Variants in PCDHA8 observed in about 807,000 individuals in gnomAD.
The protein encoded by PCDHA8 is protocadherin alpha 8, also known as protocadherin alpha-8.
Under a neutral mutation model 61.8 loss-of-function variants are expected in PCDHA8, and 53 were observed. That is an observed-to-expected ratio of 0.86 (90% CI 0.69 to 1.08). The LOEUF is 1.08. PCDHA8 is among the 50% of genes least tolerant of loss of function. The pLI is 0.00. For missense variants in PCDHA8, 1,293 were observed against 1,245.0 expected (o/e 1.04, Z -0.58); for synonymous variants, 618 against 556.6 (o/e 1.11, Z -1.55).
chr5:140,862,824 G>A, intron 1 of PCDHA8: 1 of 571,890 alleles, frequency 1.7e-6, no homozygotes, highest in Non-Finnish European at 3.4e-6. Context: ...AGGTGAGAGC[G>A]CGCGACGCGG....
chr5:140,899,904 C>A (rs1554188779), intron 1 of PCDHA8, among the ~76,000 whole-genome samples: 1 of 151,986 alleles, frequency 6.6e-6, no homozygotes, highest in African/African-American at 2.4e-5. Flanking sequence ...ACATCCTGGG[C>A]TCAAGCAATC....
chr5:140,986,000 A>G (rs549071976), intron 3 of PCDHA8, among the ~76,000 whole-genome samples: 1 of 151,922 alleles, frequency 6.6e-6, no homozygotes, highest in Non-Finnish European at 1.5e-5. Flanking sequence ...CAGCCTCCCA[A>G]AGTGCTGGGA....
chr5:140,969,123 C>G, intron 1 of PCDHA8: 1 of 1,614,172 alleles, frequency 6.2e-7, no homozygotes, highest in Non-Finnish European at 8.5e-7. Flanking sequence ...GGGAATGGCT[C>G]CCTCACCAAG....
intron 1 of PCDHA8, chr5:140,870,855 G>A: frequency 6.2e-7 from 1 of 1,613,910 alleles, no homozygotes; most frequent in Non-Finnish European, 8.5e-7. Flanking sequence ...CGCGGTCGGT[G>A]GGTGCGGGCC....
At chr5:140,858,305 C>G (rs782690239) in intron 1 of PCDHA8, 1 of 1,597,172 alleles carries the variant, frequency 6.3e-7, no homozygotes, top group South Asian at 1.1e-5. Flanking sequence ...GCAGCAGAGG[C>G]GGCAGAGGGT....
At chr5:140,882,018 A>C in intron 1 of PCDHA8, 2 of 559,360 alleles carry the variant, frequency 3.6e-6, no homozygotes, top group East Asian at 3.1e-5. Context: ...AAAATACTAC[A>C]TCAATGGAAA....
At chr5:140,857,465 ATCT>A in intron 1 of PCDHA8, 1 of 1,598,478 alleles carries the variant, frequency 6.3e-7, no homozygotes, top group Non-Finnish European at 8.6e-7. Context: ...AGGCTGCCAC[ATCT>A]TCACGGTGTC....
At chr5:140,917,287 G>A (rs190210744) in intron 1 of PCDHA8, among the ~76,000 whole-genome samples, 51 of 147,686 alleles carry the variant, frequency 3.5e-4, no homozygotes, top group Admixed American at 7.7e-4. Flanking sequence ...ACGCTTTTCC[G>A]TGTGCAGATA....
intron 1 of PCDHA8, chr5:140,882,224 G>A (rs781909276): frequency 1.5e-5 from 24 of 1,558,680 alleles, no homozygotes; most frequent in Non-Finnish European, 1.9e-5. Flanking sequence ...TTGAGGTAAG[G>A]CGTTGTATAT....
chr5:140,959,842 C>G (rs1219308136), intron 1 of PCDHA8, among the ~76,000 whole-genome samples: 2 of 152,118 alleles, frequency 1.3e-5, no homozygotes, highest in African/African-American at 4.8e-5. Context: ...ATGCCTGTAA[C>G]TGCTAAAGGA....
chr5:140,954,615 C>A (rs782262504), intron 1 of PCDHA8, among the ~76,000 whole-genome samples: 16 of 151,806 alleles, frequency 1.1e-4, no homozygotes, highest in Non-Finnish European at 1.6e-4. Context: ...TTTTAATGGG[C>A]TTGTTTGGGT....
At chr5:140,893,880 G>T (rs1426434148) in intron 1 of PCDHA8, among the ~76,000 whole-genome samples, 1 of 152,090 alleles carries the variant, frequency 6.6e-6, no homozygotes, top group African/African-American at 2.4e-5. Flanking sequence ...ATCCAAAGTG[G>T]CCAGAAAGTT....
chr5:140,843,381 T>G lies in PCDHA8; in HGVS notation c.2060T>G (p.Leu687Trp), dbSNP rs2150358739. The G allele has an allele frequency of 6.3e-6, 10 of 1,595,976 alleles. 2 individuals carry two copies. The African/African-American group carries it at 1.2e-4, about 19-fold the overall frequency. Residue 687 changes from leucine (L) to tryptophan (W), a missense_variant, in exon 1 of 4, where the codon TTG becomes TGG. Physicochemically the swap from Leu to Trp is moderately conservative, Grantham distance 61 (BLOSUM62 -2). Coordinates refer to ENST00000531613, the MANE Select transcript of PCDHA8 (RefSeq NM_018911.3). ...KASSRQSAGVLGPEAALVDVN... is the reference protein window; with the variant it reads ...KASSRQSAGVWGPEAALVDVN... ...TCATCGAGGCAGTCGGCTGGCGTTT[T>G]GGGTCCGGAAGCGGCGCTGGTGGAT...
chr5:140,966,820 G>A, intron 1 of PCDHA8: 1 of 1,557,392 alleles, frequency 6.4e-7, no homozygotes, highest in Non-Finnish European at 8.7e-7. Context: ...GGCTCCGGCG[G>A]CCCATGCCCT....
In PCDHA8 at chr5:140,922,291, T is replaced by A. The variant is rs951080588; in HGVS notation, c.2395-56658T>A. ...AGATTGGACCAAGATATGAAAATGC[T>A]AGGAGAGGATACCTTTCACTGAAGA... On this transcript the variant is annotated intron_variant, in intron 1 of 3. Coordinates refer to ENST00000531613, the MANE Select transcript of PCDHA8 (RefSeq NM_018911.3). Among the ~76,000 whole-genome samples, 38 of 152,228 alleles carry A rather than the reference T, an allele frequency of 2.5e-4. 1 individual carries two copies. The highest frequency in any genetic ancestry group is 1.5e-5 in the Non-Finnish European group (1 of 68,048).
At chr5:140,870,425 C>A (rs531014522) in intron 1 of PCDHA8, 5 of 1,614,190 alleles carry the variant, frequency 3.1e-6, no homozygotes, top group Admixed American at 3.3e-5. Flanking sequence ...GCCAGGGTAT[C>A]CGTGGAGGTG....
intron 1 of PCDHA8, chr5:140,854,600 AT>A (rs2043170892): frequency 6.7e-6 from 1 of 150,110 alleles, no homozygotes; most frequent in African/African-American, 2.4e-5. Context: ...GTTTAAAGTA[AT>A]TGACACATTT....
rs2150341542 is a variant in PCDHA8, at chr5:140,842,668, C to A, written c.1347C>A (p.Asn449Lys). 1.2e-5 allele frequency: 19 copies of A among 1,595,382 alleles called. 1 individual carries two copies. Among genetic ancestry groups the A allele is most frequent in the East Asian group, 2.2e-5 (1 of 44,804 alleles). ...TGTCTGTGGAGGTGGCCGACGTGAACGACAATGCTCCGGCGTTCGCGCAGC... is the reference window on the plus strand; with the variant it reads ...TGTCTGTGGAGGTGGCCGACGTGAAAGACAATGCTCCGGCGTTCGCGCAGC... ...ASLSVEVADVNDNAPAFAQPE... is the reference protein window; with the variant it reads ...ASLSVEVADVKDNAPAFAQPE... The change falls in exon 1 of 4, where the codon AAC becomes AAA. Residue 449 changes from asparagine (N) to lysine (K), a missense_variant. Physicochemically the swap from Asn to Lys is moderately conservative, Grantham distance 94. Transcript: ENST00000531613.
At chr5:141,002,759 G>A (rs1312107218) in intron 3 of PCDHA8, among the ~76,000 whole-genome samples, 1 of 152,214 alleles carries the variant, frequency 6.6e-6, no homozygotes, top group Non-Finnish European at 1.5e-5. Flanking sequence ...ACCCTGTGAT[G>A]TAGACAGGAA....
Sources: gnomAD v4.1 joint callset for allele counts (sites outside exome capture counted in the v4.1 genomes callset) on GRCh38, gnomAD v4.1.1 for gene constraint, MANE v1.5 for transcripts, NCBI Gene and HGNC (gene_info 2026-07-23, HGNC 2026-07-21) for gene names.